The following PDE4D variants were observed in gnomAD, a reference collection of about 807,000 sequenced individuals.
The protein encoded by PDE4D is phosphodiesterase 4D, also known as 3',5'-cyclic-AMP phosphodiesterase 4D.
PDE4D carries 24 observed loss-of-function variants against 87.4 expected under a neutral mutation model. The observed-to-expected ratio is 0.27, with a 90% confidence interval of 0.20 to 0.39. PDE4D has a LOEUF of 0.39. Among genes scored for constraint, PDE4D ranks in the 10% least tolerant of loss-of-function variants. The pLI is 1.00. For missense variants in PDE4D, 714 were observed against 1,041.0 expected (o/e 0.69, Z 4.32); for synonymous variants, 384 against 383.2 (o/e 1.00, Z -0.02).
chr5:60,217,026 T>C (rs1206847114), intron 1 of PDE4D, among the ~76,000 whole-genome samples: 1 of 152,002 alleles, frequency 6.6e-6, no homozygotes, highest in Non-Finnish European at 1.5e-5. Context: ...TAGACAAACA[T>C]GGTAAGCCAG....
At chr5:58,993,556 A>G in intron 6 of PDE4D, 91 bp from the exon 7 acceptor site, 4 of 774,178 alleles carry the variant, frequency 5.2e-6, no homozygotes, top group Non-Finnish European at 8.3e-6. Flanking sequence ...AGATATGCCC[A>G]AAGAATTTTT....
intron 1 of PDE4D, among the ~76,000 whole-genome samples, chr5:60,269,869 CAAAA>C (rs1272348690): frequency 1.3e-5 from 2 of 151,968 alleles, no homozygotes; most frequent in Non-Finnish European, 2.9e-5. Flanking sequence ...GAAGCAGAAA[CAAAA>C]AGAGCAAAAT....
chr5:59,882,845 T>C (rs897763797), intron 1 of PDE4D, among the ~76,000 whole-genome samples: 3 of 152,046 alleles, frequency 2.0e-5, no homozygotes, highest in African/African-American at 7.2e-5. Flanking sequence ...TGGCGCGATC[T>C]TGGCTCACTG....
chr5:59,779,017 G>A (rs1356149394), intron 1 of PDE4D, among the ~76,000 whole-genome samples: 1 of 152,058 alleles, frequency 6.6e-6, no homozygotes, highest in Non-Finnish European at 1.5e-5. Flanking sequence ...ACAAAAATTA[G>A]CTGGGCATGG....
chr5:59,391,285 A>G (rs1788186567), intron 1 of PDE4D, among the ~76,000 whole-genome samples: 2 of 152,276 alleles, frequency 1.3e-5, no homozygotes, highest in Non-Finnish European at 1.5e-5. Flanking sequence ...TTTGAATAAG[A>G]TATCTCCTAT....
At chr5:59,948,678 C>A (rs188041694) in intron 3 of PDE4D, among the ~76,000 whole-genome samples, 186 of 152,354 alleles carry the variant, frequency 1.2e-3, no homozygotes, top group African/African-American at 4.3e-3. Context: ...GAAGATATCA[C>A]TCACAATGCT....
intron 1 of PDE4D, among the ~76,000 whole-genome samples, chr5:59,618,462 A>G (rs1829969611): frequency 1.3e-5 from 2 of 152,118 alleles, no homozygotes; most frequent in Admixed American, 1.3e-4. Flanking sequence ...AAAGAACAGA[A>G]CAGGCGTCGG....
intron 1 of PDE4D, among the ~76,000 whole-genome samples, chr5:59,360,544 C>T (rs953875211): frequency 5.9e-5 from 9 of 152,068 alleles, no homozygotes; most frequent in Non-Finnish European, 1.5e-5. Flanking sequence ...GATAACGGGG[C>T]TTGTGTACTC....
chr5:59,670,426 T>C (rs192610443), intron 1 of PDE4D, among the ~76,000 whole-genome samples: 1 of 152,352 alleles, frequency 6.6e-6, no homozygotes, highest in East Asian at 1.9e-4. Context: ...CCTGACCTCA[T>C]GTGACAAGTC....
chr5:59,731,201 G>T (rs116804883), intron 1 of PDE4D, among the ~76,000 whole-genome samples: 2 of 133,618 alleles, frequency 1.5e-5, no homozygotes. Context: ...TTGTCAGAGA[G>T]GGGCAAGGTA....
chr5:59,716,828 G>C (rs1284136220), intron 1 of PDE4D, among the ~76,000 whole-genome samples: 1 of 152,126 alleles, frequency 6.6e-6, no homozygotes, highest in East Asian at 1.9e-4. Context: ...AGGCAACAAA[G>C]TAGTGTGTAA....
At chr5:60,318,855 C>G (rs556047994) in intron 1 of PDE4D, among the ~76,000 whole-genome samples, 2 of 152,290 alleles carry the variant, frequency 1.3e-5, no homozygotes, top group South Asian at 4.1e-4. Flanking sequence ...AAGAGATCTG[C>G]TGTTAGTCTG....
intron 1 of PDE4D, among the ~76,000 whole-genome samples, chr5:59,315,227 C>T (rs143663858): frequency 9.5e-4 from 145 of 152,256 alleles, no homozygotes; most frequent in African/African-American, 3.3e-3. Context: ...AACTGAGGAG[C>T]AGAAATTCTG....
rs1010315825 is a variant in PDE4D, at chr5:58,970,805, C to A, written c.*3859G>T. The A allele has an allele frequency of 6.6e-6, 1 of 151,412 alleles. No homozygotes were observed. The highest frequency in any genetic ancestry group is 1.5e-5 in the Non-Finnish European group (1 of 67,928). The allele number at this position is 151,412 out of a possible 1,614,324, so 9.4% of individuals were successfully genotyped here. On this transcript the variant is annotated 3_prime_UTR_variant, in exon 15 of 15. Transcript: ENST00000340635. ...CTCTGGCTCCAATTTCAAATCAAGT[C>A]CATTTTCCTATGAGCTCTAGAAGCC... is the stretch of plus-strand genomic sequence containing the variant.
In PDE4D at chr5:59,715,894, G is replaced by C; in HGVS notation, c.455+177274C>G. Among the ~76,000 whole-genome samples, 2 of 152,198 alleles carry C rather than the reference G, an allele frequency of 1.3e-5. 1 individual carries two copies. Among genetic ancestry groups the C allele is most frequent in the African/African-American group, 4.8e-5 (2 of 41,456 alleles). ...CTTGTATTACTGCTGTGGCCTCTGGGTCTGGGGTTCCACCCTGTGGGCATG... is the reference window on the plus strand; with the variant it reads ...CTTGTATTACTGCTGTGGCCTCTGGCTCTGGGGTTCCACCCTGTGGGCATG... On this transcript the variant is annotated intron_variant, in intron 1 of 14. Coordinates refer to ENST00000340635, the MANE Select transcript of PDE4D (RefSeq NM_001104631.2).
chr5:59,844,143 C>T (rs1378595638), intron 1 of PDE4D, among the ~76,000 whole-genome samples: 1 of 152,038 alleles, frequency 6.6e-6, no homozygotes, highest in Non-Finnish European at 1.5e-5. Context: ...AATTTGATTC[C>T]TTCAAAGAGA....
chr5:58,985,675 G>GA (rs1561236251), intron 11 of PDE4D, among the ~76,000 whole-genome samples: 5 of 152,206 alleles, frequency 3.3e-5, no homozygotes, highest in Non-Finnish European at 7.3e-5. Context: ...GCTTTGGACA[G>GA]GATGGCAGCT....
chr5:59,253,028 A>C (rs1760281817), intron 1 of PDE4D, among the ~76,000 whole-genome samples: 1 of 152,136 alleles, frequency 6.6e-6, no homozygotes, highest in East Asian at 1.9e-4. Flanking sequence ...TCATCACTGA[A>C]GTCACATTCT....
intron 1 of PDE4D, among the ~76,000 whole-genome samples, chr5:59,320,588 A>G (rs1428556318): frequency 1.3e-5 from 2 of 152,140 alleles, no homozygotes; most frequent in African/African-American, 4.8e-5. Flanking sequence ...CAACTTGTAA[A>G]AACTTTAAAT....
Sources: gnomAD v4.1 joint callset for allele counts (sites outside exome capture counted in the v4.1 genomes callset) on GRCh38, gnomAD v4.1.1 for gene constraint, MANE v1.5 for transcripts, NCBI Gene and HGNC (gene_info 2026-07-23, HGNC 2026-07-21) for gene names.